Variants in ASCC3 observed in about 807,000 individuals in gnomAD.
ASCC3 encodes activating signal cointegrator 1 complex subunit 3.
Under a neutral mutation model 256.3 loss-of-function variants are expected in ASCC3, and 158 were observed. The ratio of observed to expected loss-of-function variants is 0.62; its 90% CI spans 0.54 to 0.70. ASCC3 has a LOEUF of 0.70. Ranked by LOEUF, ASCC3 falls within the 30% of genes least tolerant of loss-of-function variation. ASCC3 has a pLI of 0.00. For synonymous variants in ASCC3, 948 were observed against 883.4 expected (o/e 1.07, Z -1.30); for missense variants, 2,259 against 2,626.0 (o/e 0.86, Z 3.05).
chr6:100,516,060 G>A lies in ASCC3; in HGVS notation c.6075+120C>T, dbSNP rs531047960. The A allele has an allele frequency of 6.7e-6, 8 of 1,193,494 alleles. No individual in the cohort carries two copies. In the East Asian group the frequency reaches 1.6e-4, roughly 24 times the overall value. 73.9% of individuals were successfully genotyped at this position (1,193,494 alleles called of 1,614,324 possible). On this transcript the variant is annotated intron_variant, in intron 39 of 41. Transcript: ENST00000369162. ...CATGTTCATAATCATAGTAGTAAATGGCAGAGACAATTTAACTCAAGGTGA... is the reference window on the plus strand; with the variant it reads ...CATGTTCATAATCATAGTAGTAAATAGCAGAGACAATTTAACTCAAGGTGA...
chr6:100,586,633 C>T (rs898875203), intron 36 of ASCC3, among the ~76,000 whole-genome samples: 13 of 152,120 alleles, frequency 8.5e-5, no homozygotes, highest in African/African-American at 1.9e-4. Flanking sequence ...GAGATGAACC[C>T]GGTACCTCAG....
chr6:100,597,092 A>AT (rs891593304), intron 34 of ASCC3, among the ~76,000 whole-genome samples: 1 of 152,154 alleles, frequency 6.6e-6, no homozygotes, highest in Non-Finnish European at 1.5e-5. Flanking sequence ...TTTGGCTGAA[A>AT]TATCAGCACC....
At chr6:100,523,827 T>C (rs1279373396) in intron 37 of ASCC3, among the ~76,000 whole-genome samples, 1 of 152,162 alleles carries the variant, frequency 6.6e-6, no homozygotes, top group Non-Finnish European at 1.5e-5. Context: ...ATTTTAAGCT[T>C]GACAACGTAT....
intron 10 of ASCC3, among the ~76,000 whole-genome samples, chr6:100,731,085 A>ATT (rs1340994373): frequency 6.6e-6 from 1 of 152,170 alleles, no homozygotes; most frequent in East Asian, 1.9e-4. Flanking sequence ...AAATGATACT[A>ATT]TTTTTAGCTA....
In ASCC3 at chr6:100,830,952, C is replaced by T. The variant is rs185276117; in HGVS notation, c.801+17196G>A. On this transcript the variant is annotated intron_variant, in intron 4 of 41. Coordinates refer to ENST00000369162, the MANE Select transcript of ASCC3 (RefSeq NM_006828.4). ...TTCATCAAAATACTTATAAAGGCTA[C>T]AGTTAAGTTATTCTTATTAAAACCA... Among the ~76,000 whole-genome samples, 172 of 152,298 alleles carry T rather than the reference C, an allele frequency of 1.1e-3. 1 individual carries two copies. The highest frequency in any genetic ancestry group is 3.4e-3 in the African/African-American group (142 of 41,572).
chr6:100,527,694 T>TA (rs1168219139), intron 37 of ASCC3, among the ~76,000 whole-genome samples: 1 of 152,158 alleles, frequency 6.6e-6, no homozygotes, highest in Non-Finnish European at 1.5e-5. Flanking sequence ...AGAACCAGCT[T>TA]ACAGTCATAA....
chr6:100,585,876 C>T (rs950263318), intron 36 of ASCC3, among the ~76,000 whole-genome samples: 7 of 152,266 alleles, frequency 4.6e-5, no homozygotes, highest in Admixed American at 3.9e-4. Context: ...GTATCAGCAG[C>T]GGTGTCTGCA....
At chr6:100,570,089 T>C (rs1770508545) in intron 36 of ASCC3, among the ~76,000 whole-genome samples, 1 of 152,176 alleles carries the variant, frequency 6.6e-6, no homozygotes, top group South Asian at 2.1e-4. Flanking sequence ...GATTGAACAT[T>C]ATTGGTGTAG....
intron 4 of ASCC3, among the ~76,000 whole-genome samples, chr6:100,835,135 A>G (rs1771813874): frequency 6.6e-6 from 1 of 151,964 alleles, no homozygotes; most frequent in Non-Finnish European, 1.5e-5. Flanking sequence ...AAACCCATAC[A>G]TTTCCTCTTT....
Position 100,798,773 on chromosome 6 carries a change from G to A in ASCC3, c.1335C>T (p.Tyr445=). 6.2e-7 allele frequency: 1 copy of A among 1,613,052 alleles called. No homozygotes were observed. Among genetic ancestry groups the A allele is most frequent in the Non-Finnish European group, 8.5e-7 (1 of 1,179,516 alleles). The change falls in exon 8 of 42, where the codon TAC becomes TAT. Residue 445 remains tyrosine (Y), a synonymous_variant. Coordinates refer to ENST00000369162, the MANE Select transcript of ASCC3 (RefSeq NM_006828.4). ...NKLYEEVRIP[Y]SEPMPLSFEE... Reference sequence around the variant, plus strand: ...CAAAGCTGAGTGGCATTGGTTCGCTGTAGGGAATCCTTACTTCTTCATAAA... The same window carrying A: ...CAAAGCTGAGTGGCATTGGTTCGCTATAGGGAATCCTTACTTCTTCATAAA...
chr6:100,871,146 A>G (rs1773720755), intron 1 of ASCC3, among the ~76,000 whole-genome samples: 1 of 151,036 alleles, frequency 6.6e-6, no homozygotes, highest in Non-Finnish European at 1.5e-5. Flanking sequence ...ACAAGGCTGG[A>G]GTGCAGTGGC....
At chr6:100,604,297 T>C (rs927419267) in intron 33 of ASCC3, among the ~76,000 whole-genome samples, 10 of 152,104 alleles carry the variant, frequency 6.6e-5, no homozygotes, top group African/African-American at 2.4e-4. Context: ...ATTTTATTCA[T>C]CCTTTTAAAA....
At chr6:100,842,534 T>C (rs1002904414) in intron 4 of ASCC3, among the ~76,000 whole-genome samples, 1 of 152,232 alleles carries the variant, frequency 6.6e-6, no homozygotes, top group Non-Finnish European at 1.5e-5. Flanking sequence ...AGCTGTCTTC[T>C]ATTAAGCCAA....
At chr6:100,796,983 T>C (rs944888251) in intron 8 of ASCC3, among the ~76,000 whole-genome samples, 5 of 152,150 alleles carry the variant, frequency 3.3e-5, no homozygotes, top group African/African-American at 1.2e-4. Flanking sequence ...ACATAAGATA[T>C]GCACATTAAG....
At chr6:100,747,421 C>G (rs1271320357) in intron 10 of ASCC3, among the ~76,000 whole-genome samples, 1 of 152,036 alleles carries the variant, frequency 6.6e-6, no homozygotes, top group Non-Finnish European at 1.5e-5. Flanking sequence ...TGCGTCCATA[C>G]AAATACTTGT....
At chr6:100,563,939 T>C (rs1235690144) in intron 36 of ASCC3, among the ~76,000 whole-genome samples, 1 of 152,046 alleles carries the variant, frequency 6.6e-6, no homozygotes, top group Non-Finnish European at 1.5e-5. Flanking sequence ...TCCTCCCCTT[T>C]GTTTTAGAGG....
chr6:100,778,258 G>A (rs1203677864), intron 8 of ASCC3, among the ~76,000 whole-genome samples: 2 of 152,050 alleles, frequency 1.3e-5, no homozygotes, highest in East Asian at 1.9e-4. Context: ...TTTCAAACAG[G>A]CAATTACATC....
chr6:100,607,296 A>T (rs2114808107), intron 30 of ASCC3, among the ~76,000 whole-genome samples: 1 of 152,246 alleles, frequency 6.6e-6, no homozygotes, highest in African/African-American at 2.4e-5. Flanking sequence ...CTAAAGTTTA[A>T]ATGTTATCCA....
intron 25 of ASCC3, among the ~76,000 whole-genome samples, chr6:100,631,899 T>G (rs1774564920): frequency 6.6e-6 from 1 of 151,726 alleles, no homozygotes; most frequent in South Asian, 2.1e-4. Flanking sequence ...TAGGAAAACT[T>G]AGGGTTAAGT....
Sources: allele counts gnomAD v4.1 joint callset (sites outside exome capture counted in the v4.1 genomes callset), GRCh38; gene constraint gnomAD v4.1.1; transcripts MANE v1.5; gene names NCBI Gene and HGNC (gene_info 2026-07-23, HGNC 2026-07-21).